The following TRIM65 variants were observed in gnomAD, a reference collection of about 807,000 sequenced individuals.
TRIM65 encodes tripartite motif containing 65, also known as E3 ubiquitin-protein ligase TRIM65.
A neutral mutation model predicts 36.1 loss-of-function variants in TRIM65; 46 were observed. That is an observed-to-expected ratio of 1.27 (90% CI 1.01 to 1.63). The LOEUF (loss-of-function observed/expected upper bound fraction) is 1.63. Ranked by LOEUF, TRIM65 falls within the 40% of genes most tolerant of loss-of-function variation. The pLI is 0.00. For missense variants in TRIM65, 708 were observed against 696.6 expected, an observed-to-expected ratio of 1.02 and a Z score of -0.18; for synonymous variants, 346 against 313.6, an observed-to-expected ratio of 1.10 and a Z score of -1.09.
chr17:75,887,576 G>C (rs991998935), downstream of TRIM65, among the ~76,000 whole-genome samples: 3 of 151,012 alleles, frequency 2.0e-5, no homozygotes, highest in Admixed American at 2.0e-4. Flanking sequence ...GAACCCAGGA[G>C]GCAGAGGTTG....
rs996763675 is a variant in TRIM65, at chr17:75,890,937, T to C, written c.1396A>G (p.Ser466Gly). 5.8e-6 allele frequency: 9 copies of C among 1,555,314 alleles called. No individual in the cohort carries two copies. In the African/African-American group the frequency reaches 1.2e-4, roughly 21 times the overall value. The change falls in exon 6 of 6, where the codon AGC becomes GGC. Residue 466 changes from serine (S) to glycine (G), a missense_variant. Transcript: ENST00000269383. ...DLASGCLTFY[S>G]LEPQTQPLYT... ...AGGGGCTGGGTCTGGGGCTCCAGGCTGTAGAAGGTGAGGCAGCCTGAGGCC... is the reference window on the plus strand; with the variant it reads ...AGGGGCTGGGTCTGGGGCTCCAGGCCGTAGAAGGTGAGGCAGCCTGAGGCC...
At chr17:75,891,395 C>A in intron 5 of TRIM65, 48 bp from the exon 6 acceptor site, 5 of 1,587,892 alleles carry the variant, frequency 3.1e-6, no homozygotes, top group Non-Finnish European at 4.3e-6. Flanking sequence ...GACAGCACAA[C>A]CAGATCTCCA....
chr17:75,894,584 G>A (rs886203822), intron 1 of TRIM65, among the ~76,000 whole-genome samples: 11 of 152,264 alleles, frequency 7.2e-5, no homozygotes, highest in East Asian at 3.9e-4. Context: ...CCAGCTCCCC[G>A]CTCCTGAGCT....
At chr17:75,879,597 A>G (rs550026078), downstream of TRIM65, 7 of 150,940 alleles carry the variant, frequency 4.6e-5, 1 homozygote, top group Admixed American at 3.9e-4. Context: ...AAGTTAAAAC[A>G]CTACACCAGA....
At chr17:75,891,913 A>G (rs751497399) in intron 4 of TRIM65, 35 bp from the exon 5 acceptor site, 4 of 1,593,210 alleles carry the variant, frequency 2.5e-6, no homozygotes, top group Admixed American at 3.6e-5. Context: ...GAATGGTTGG[A>G]GAGGTCACGA....
At position 75,892,288 on chromosome 17, in the gene TRIM65, C is replaced by G; in HGVS notation, c.723G>C (p.Val241=). ...GCRIRELLEQ[V]DEQTFLQESQ... Reference sequence around the variant, plus strand: ...GCACCTGCAGGAAGGTCTGCTCATCCACCTGCTCCAGGAGCTCCCGGATCC... The same window carrying G: ...GCACCTGCAGGAAGGTCTGCTCATCGACCTGCTCCAGGAGCTCCCGGATCC... Residue 241 remains valine (V), a synonymous_variant, in exon 3 of 6, where the codon GTG becomes GTC. Coordinates refer to ENST00000269383, the MANE Select transcript of TRIM65 (RefSeq NM_173547.4). 19 of 1,612,324 alleles carry G rather than the reference C, an allele frequency of 1.2e-5. No individual in the cohort carries two copies. Among genetic ancestry groups the G allele is most frequent in the Non-Finnish European group, 1.6e-5 (19 of 1,179,616 alleles).
rs2065256029 is a variant in TRIM65, at chr17:75,890,968, C to A, written c.1365G>T (p.Leu455Phe). Residue 455 changes from leucine (L) to phenylalanine (F), a missense_variant, in exon 6 of 6, where the codon TTG (leucine) becomes TTT (phenylalanine). Physicochemically the swap from Leu to Phe is conservative, Grantham distance 22. Coordinates refer to ENST00000269383, the MANE Select transcript of TRIM65 (RefSeq NM_173547.4). ...AGGTGAGGCAGCCTGAGGCCAGGTCCAAATCCATGCCCAGGAGCCGCCCTG... is the reference window on the plus strand; with the variant it reads ...AGGTGAGGCAGCCTGAGGCCAGGTCAAAATCCATGCCCAGGAGCCGCCCTG... ...GVSGRLLGMD[L>F]DLASGCLTFY... The A allele has an allele frequency of 8.3e-6, 13 of 1,565,028 alleles. No homozygotes were observed. Among genetic ancestry groups the A allele is most frequent in the Non-Finnish European group, 1.0e-5 (12 of 1,155,132 alleles).
At position 75,891,992 on chromosome 17, in the gene TRIM65, G is replaced by A. The variant is rs1340752432; in HGVS notation, c.919+19C>T. The A allele has an allele frequency of 6.4e-7, 1 of 1,551,814 alleles. No individual in the cohort carries two copies. The highest frequency in any genetic ancestry group is 1.4e-5 in the African/African-American group (1 of 73,098). ...AGCTGGACCCAGGACAGCAGGGGGA[G>A]GCCTGGGGTCAGTCTTACCCACGGG... is the stretch of plus-strand genomic sequence containing the variant. On this transcript the variant is annotated intron_variant, in intron 4 of 5. Transcript: ENST00000269383.
In TRIM65 at chr17:75,891,869, C is replaced by G; in HGVS notation, c.929G>C (p.Gly310Ala). 6.2e-7 allele frequency: 1 copy of G among 1,612,282 alleles called. No homozygotes were observed. Among genetic ancestry groups the G allele is most frequent in the South Asian group, 1.1e-5 (1 of 90,786 alleles). The stretch of plus-strand genomic sequence containing the variant: ...TGTGCTTGGGACCGGTGCCAGGGGA[C>G]CTGGGGCCTCTAGGGGGCAAAGCAG... ...PVDLAPVEAP[G>A]PLAPVPSTVC... The change falls in exon 5 of 6, where the codon GGT becomes GCT. Residue 310 changes from glycine to alanine, a missense_variant. By Grantham distance (60) the Gly-to-Ala change is moderately conservative. Coordinates refer to ENST00000269383, the MANE Select transcript of TRIM65 (RefSeq NM_173547.4).
chr17:75,881,227 C>T (rs1191618904), intron 4 of TRIM65, among the ~76,000 whole-genome samples: 1 of 120,610 alleles, frequency 8.3e-6, no homozygotes, highest in African/African-American at 3.0e-5. Flanking sequence ...CACAGCGAGA[C>T]TCCATCTCAA....
intron 4 of TRIM65, among the ~76,000 whole-genome samples, chr17:75,881,166 C>T (rs2065166655): frequency 7.4e-6 from 1 of 135,662 alleles, no homozygotes; most frequent in Non-Finnish European, 1.5e-5. Flanking sequence ...AGGAGAATCG[C>T]TTGAACCAAG....
At chr17:75,896,117 A>G (rs546605965) in intron 1 of TRIM65, among the ~76,000 whole-genome samples, 2 of 152,276 alleles carry the variant, frequency 1.3e-5, no homozygotes, top group South Asian at 2.1e-4. Flanking sequence ...GTGCAGTGGC[A>G]CGATCTCGGC....
chr17:75,891,282 G>A lies in TRIM65; in HGVS notation c.1051C>T (p.Gln351Ter). Residue 351 changes from glutamine to a stop codon, truncating the protein, a stop_gained, in exon 6 of 6, where the codon CAG (glutamine) becomes TAG (stop). Transcript: ENST00000269383. LOFTEE classifies it low-confidence loss of function (END_TRUNC). ...NRHFYLSRQD[Q>*]QVKHCRQSRG... ...GACTGACGACAGTGCTTCACCTGCT[G>A]GTCCTGGCGCGACAGATAGAAGTGA... is the stretch of plus-strand genomic sequence containing the variant. The A allele has an allele frequency of 6.2e-7, 1 of 1,613,172 alleles. No individual in the cohort carries two copies.
chr17:75,896,897 A>T lies in TRIM65; in HGVS notation c.41T>A (p.Ile14Asn), dbSNP rs779028930. ...QLLEEKLTCA[I>N]CLGLYQDPVT... ...TGGGTCCTGGTAGAGCCCCAGGCAG[A>T]TGGCGCAGGTCAGCTTCTCCTCCAG... Residue 14 changes from isoleucine to asparagine, a missense_variant, in exon 1 of 6, where the codon ATC becomes AAC. Physicochemically the swap from Ile to Asn is moderately radical, Grantham distance 149. Coordinates refer to ENST00000269383, the MANE Select transcript of TRIM65 (RefSeq NM_173547.4). The T allele has an allele frequency of 7.9e-6, 12 of 1,520,104 alleles. No individual in the cohort carries two copies. The South Asian group carries it at 1.5e-4, about 19-fold the overall frequency. 94.2% of individuals were successfully genotyped at this position (1,520,104 alleles called of 1,614,324 possible).
chr17:75,895,059 T>C (rs921553447), intron 1 of TRIM65, among the ~76,000 whole-genome samples: 1 of 152,124 alleles, frequency 6.6e-6, no homozygotes, highest in Non-Finnish European at 1.5e-5. Context: ...GTGACCTCTA[T>C]ATGTCCAAGG....
chr17:75,895,157 C>G (rs2065327813), intron 1 of TRIM65, among the ~76,000 whole-genome samples: 1 of 152,166 alleles, frequency 6.6e-6, no homozygotes, highest in South Asian at 2.1e-4. Context: ...GTCTCCCTTG[C>G]CGCCCTCTCT....
chr17:75,892,910 T>C, intron 1 of TRIM65, 60 bp from the exon 2 acceptor site: 2 of 1,485,298 alleles, frequency 1.3e-6, no homozygotes, highest in Non-Finnish European at 1.8e-6. Context: ...TGTGATGTCC[T>C]TTCTCAGACA....
chr17:75,880,854 G>A (rs1400185157), intron 4 of TRIM65, among the ~76,000 whole-genome samples: 1 of 150,402 alleles, frequency 6.6e-6, no homozygotes, highest in Admixed American at 6.6e-5. Flanking sequence ...CTAGGCTTGG[G>A]GGGTGGGAAA....
chr17:75,891,353 G>A lies in TRIM65; in HGVS notation c.986-6C>T. On this transcript the variant is annotated splice_region_variant and splice_polypyrimidine_tract_variant and intron_variant, in intron 5 of 5. Transcript: ENST00000269383. ...AAAGGTCAGATTGCGATAATCTGTT[G>A]GGGAAAGGAGGACAGCAGTGGGCTG... 1 of 1,612,972 alleles carries A rather than the reference G, an allele frequency of 6.2e-7. No individual in the cohort carries two copies. Among genetic ancestry groups the A allele is most frequent in the Non-Finnish European group, 8.5e-7 (1 of 1,179,716 alleles).
Sources: allele counts gnomAD v4.1 joint callset (sites outside exome capture counted in the v4.1 genomes callset), GRCh38; gene constraint gnomAD v4.1.1; transcripts MANE v1.5; gene names NCBI Gene and HGNC (gene_info 2026-07-23, HGNC 2026-07-21).